The following APRT variants were observed in gnomAD, a reference collection of about 807,000 sequenced individuals.
APRT encodes the protein adenine phosphoribosyltransferase, also known as AMP diphosphorylase.
APRT carries 25 observed loss-of-function variants against 21.0 expected under a neutral mutation model. That is an observed-to-expected ratio of 1.19 (90% CI 0.87 to 1.66). The LOEUF (loss-of-function observed/expected upper bound fraction) is 1.66, where lower values mean the gene tolerates loss of function less well. Among genes scored for constraint, APRT ranks in the 40% most tolerant of loss-of-function variants. The probability of loss-of-function intolerance (pLI) is 0.00; values close to 1 mark genes in which losing one functional copy is unlikely to be tolerated. For synonymous variants in APRT, 153 were observed against 109.0 expected, an observed-to-expected ratio of 1.40 and a Z score of -2.52; for missense variants, 294 against 232.7, an observed-to-expected ratio of 1.26 and a Z score of -1.72.
At chr16:88,809,964 AC>A in intron 4 of APRT, 105 bp downstream of exon 4, 16 of 1,563,342 alleles carry the variant, frequency 1.0e-5, no homozygotes, top group Middle Eastern at 1.9e-4. Context: ...GCCACCAGGC[AC>A]CCTCTGGACA....
At position 88,811,880 on chromosome 16, in the gene APRT, T is replaced by C. The variant is rs1291207366; in HGVS notation, c.20A>G (p.Gln7Arg). 5.1e-6 allele frequency: 8 copies of C among 1,562,334 alleles called. No homozygotes were observed. Among genetic ancestry groups the C allele is most frequent in the Middle Eastern group, 1.9e-4 (1 of 5,296 alleles). ...GCTGCGGATCCGCTGCTCAACCAGC[T>C]GCAGCTCGGAGTCGGCCATGGCCGC... MADSEL[Q>R]LVEQRIRSFP... The change falls in exon 1 of 5, where the codon CAG becomes CGG. Residue 7 changes from glutamine to arginine, a missense_variant. Physicochemically the swap from Gln to Arg is conservative, Grantham distance 43 (BLOSUM62 1). Transcript: ENST00000378364.
chr16:88,809,977 CAGTA>C, intron 4 of APRT, 89 bp downstream of exon 4: 1 of 1,567,806 alleles, frequency 6.4e-7, no homozygotes, highest in Non-Finnish European at 8.7e-7. Context: ...CTCTGGACAA[CAGTA>C]AGCTGCATCC....
chr16:88,810,084 A>C lies in APRT; in HGVS notation c.386T>G (p.Leu129Arg), dbSNP rs1011477101. The C allele has an allele frequency of 6.2e-7, 1 of 1,613,268 alleles. No individual in the cohort carries two copies. Among genetic ancestry groups the C allele is most frequent in the Non-Finnish European group, 8.5e-7 (1 of 1,180,026 alleles). Reference protein sequence around the residue: ...PGQRVVVVDDLLATGGTMNAA... With the variant: ...PGQRVVVVDDRLATGGTMNAA... Reference sequence around the variant, plus strand: ...GAGACCCTTACCACCAGTGGCCAGCAGATCATCCACGACGACCACCCTCTG... The same window carrying C: ...GAGACCCTTACCACCAGTGGCCAGCCGATCATCCACGACGACCACCCTCTG... The change falls in exon 4 of 5, where the codon CTG becomes CGG. Residue 129 changes from leucine (L) to arginine (R), a missense_variant. Physicochemically the swap from Leu to Arg is moderately radical, Grantham distance 102 (BLOSUM62 -2). Transcript: ENST00000378364.
At chr16:88,811,788 C>A in intron 1 of APRT, 32 bp downstream of exon 1, 1 of 1,537,900 alleles carries the variant, frequency 6.5e-7, no homozygotes, top group East Asian at 2.5e-5. Flanking sequence ...GCCCGCAGGT[C>A]GGGGCGCCAC....
intron 4 of APRT, 47 bp downstream of exon 4, chr16:88,810,023 C>T (rs1909052435): frequency 6.2e-7 from 1 of 1,603,728 alleles, no homozygotes; most frequent in Non-Finnish European, 8.5e-7. Context: ...GTCCCACTCC[C>T]ACCAGGCCCT....
rs1317629561 is a variant in APRT, at chr16:88,811,578, G to A, written c.159C>T (p.Thr53=). Reference sequence around the variant, plus strand: ...CGATGTAGTCGATGCGGCCCCCGTGGGTCGCCTTCAGGTGTCGCGCCAGGA... The same window carrying A: ...CGATGTAGTCGATGCGGCCCCCGTGAGTCGCCTTCAGGTGTCGCGCCAGGA... ...IGLLARHLKA[T]HGGRIDYIAG... The change falls in exon 2 of 5, where the codon ACC becomes ACT. Residue 53 remains threonine (T), a synonymous_variant. Coordinates refer to ENST00000378364, the MANE Select transcript of APRT (RefSeq NM_000485.3). 1 of 1,601,988 alleles carries A rather than the reference G, an allele frequency of 6.2e-7. No individual in the cohort carries two copies. Among genetic ancestry groups the A allele is most frequent in the Non-Finnish European group, 8.5e-7 (1 of 1,175,364 alleles).
intron 2 of APRT, chr16:88,811,110 T>C (rs1032278810): frequency 3.0e-6 from 1 of 336,322 alleles, no homozygotes. Flanking sequence ...AGGAACACTC[T>C]GTTCTCCCTG....
chr16:88,810,200 G>C, intron 3 of APRT, 52 bp from the exon 4 acceptor site: 1 of 1,591,504 alleles, frequency 6.3e-7, no homozygotes, highest in Non-Finnish European at 8.6e-7. Flanking sequence ...AAACAGCTTT[G>C]TTGCACAGCT....
Position 88,811,840 on chromosome 16 carries a change from G to A in APRT, c.60C>T (p.Pro20=), listed in dbSNP as rs2142955052. The change falls in exon 1 of 5, where the codon CCC becomes CCT. Residue 20 remains proline (P), a synonymous_variant. Coordinates refer to ENST00000378364, the MANE Select transcript of APRT (RefSeq NM_000485.3). The stretch of plus-strand genomic sequence containing the variant: ...TGCACCTGAATACCACGCCTGGGGT[G>A]GGGAAGTCGGGGAAGCTGCGGATCC... ...EQRIRSFPDF[P]TPGVVFRDIS... 1 of 1,571,942 alleles carries A rather than the reference G, an allele frequency of 6.4e-7. No homozygotes were observed. The highest frequency in any genetic ancestry group is 8.6e-7 in the Non-Finnish European group (1 of 1,160,508).
chr16:88,809,953 G>A, intron 4 of APRT, 113 bp from the exon 5 acceptor site: 1 of 1,568,126 alleles, frequency 6.4e-7, no homozygotes, highest in Non-Finnish European at 8.7e-7. Context: ...GTGTCGGCCT[G>A]GCCACCAGGC....
rs1333242806 is a variant in APRT at position 88,810,158 on chromosome 16, G to A, written c.322-10C>T. On this transcript the variant is annotated splice_polypyrimidine_tract_variant and intron_variant, in intron 3 of 4. Transcript: ENST00000378364. ...GAATCTCCAGCTCAGCCTGGAGTGGGAAGTGGTGTGTGGTCCTCAGCCTCC... is the reference window on the plus strand; with the variant it reads ...GAATCTCCAGCTCAGCCTGGAGTGGAAAGTGGTGTGTGGTCCTCAGCCTCC... 1 of 1,612,284 alleles carries A rather than the reference G, an allele frequency of 6.2e-7. No homozygotes were observed. The highest frequency in any genetic ancestry group is 8.5e-7 in the Non-Finnish European group (1 of 1,179,800).
chr16:88,810,106 T>G lies in APRT; in HGVS notation c.364A>C (p.Arg122=), dbSNP rs35095508. ...AGCAGATCATCCACGACGACCACCC[T>G]CTGTCCTGGCTCCAGGGCGTCTTTC... is the stretch of plus-strand genomic sequence containing the variant. ...IQKDALEPGQ[R]VVVVDDLLAT... Residue 122 remains arginine, a synonymous_variant, in exon 4 of 5, where the codon AGG becomes CGG. Transcript: ENST00000378364. The G allele has an allele frequency of 5.9e-5, 95 of 1,613,148 alleles. No homozygotes were observed. Among genetic ancestry groups the G allele is most frequent in the Admixed American group, 1.0e-4 (6 of 60,012 alleles).
In APRT at chr16:88,811,647, C is replaced by A. The variant is rs8191472; in HGVS notation, c.90G>T (p.Ser30=). 2.1e-3 allele frequency: 3,272 copies of A among 1,594,510 alleles called. 45 individuals carry two copies. The African/African-American group carries it at 0.038, about 19-fold the overall frequency. Residue 30 remains serine (S), a synonymous_variant, in exon 2 of 5, where the codon TCG becomes TCT. Coordinates refer to ENST00000378364, the MANE Select transcript of APRT (RefSeq NM_000485.3). ...AGGAGGCGGGGTCCTTCAGGACGGGCGAGATGTCCCTGGACCCAAGGACAG... is the reference window on the plus strand; with the variant it reads ...AGGAGGCGGGGTCCTTCAGGACGGGAGAGATGTCCCTGGACCCAAGGACAG... ...PTPGVVFRDI[S]PVLKDPASFR...
In APRT at chr16:88,809,861, T is replaced by C. The variant is rs751875229; in HGVS notation, c.401-21A>G. The stretch of plus-strand genomic sequence containing the variant: ...GGTTCCTGGGGATGGGAGGGTGAGG[T>C]CCCCAGTTGGCCTGGGCTGCAGAGA... On this transcript the variant is annotated intron_variant, in intron 4 of 4. Coordinates refer to ENST00000378364, the MANE Select transcript of APRT (RefSeq NM_000485.3). The C allele has an allele frequency of 1.9e-6, 3 of 1,608,108 alleles. No individual in the cohort carries two copies. The African/African-American group carries it at 4.0e-5, about 21-fold the overall frequency.
chr16:88,809,879 T>C, intron 4 of APRT, 39 bp from the exon 5 acceptor site: 2 of 1,604,952 alleles, frequency 1.2e-6, no homozygotes, highest in Non-Finnish European at 1.7e-6. Flanking sequence ...TGGCCTGGGC[T>C]GCAGAGAGCA....
Position 88,809,814 on chromosome 16 carries a change from G to A in APRT, c.427C>T (p.Leu143=). 1.9e-6 allele frequency: 3 copies of A among 1,612,744 alleles called. No individual in the cohort carries two copies. Among genetic ancestry groups the A allele is most frequent in the Non-Finnish European group, 2.5e-6 (3 of 1,179,984 alleles). Residue 143 remains leucine (L), a synonymous_variant, in exon 5 of 5, where the codon CTG becomes TTG. Transcript: ENST00000378364. ...AGGACCTCAGCCTGCAGGCGGCCCA[G>A]CAGCTCACAGGCAGCGTTCATGGTT... ...GGTMNAACEL[L]GRLQAEVLEC... is the part of the protein sequence containing the mutation.
chr16:88,810,292 C>T (rs1422102750), intron 3 of APRT, 131 bp downstream of exon 3: 1 of 1,513,134 alleles, frequency 6.6e-7, no homozygotes, highest in Non-Finnish European at 9.0e-7. Context: ...GTCTCAACCT[C>T]TCTGAGCTCC....
intron 2 of APRT, 143 bp from the exon 3 acceptor site, chr16:88,810,699 C>T: frequency 1.8e-6 from 2 of 1,133,836 alleles, no homozygotes; most frequent in Non-Finnish European, 2.5e-6. Context: ...CCATCACCTA[C>T]CCGGAGCTGC....
chr16:88,810,225 C>G, intron 3 of APRT, 77 bp from the exon 4 acceptor site: 11 of 1,552,990 alleles, frequency 7.1e-6, no homozygotes, highest in Non-Finnish European at 9.7e-6. Context: ...AGCTGCCACC[C>G]TAGACCCTGA....
Sources: gnomAD v4.1 joint callset for allele counts on GRCh38, gnomAD v4.1.1 for gene constraint, MANE v1.5 for transcripts, NCBI Gene and HGNC (gene_info 2026-07-23, HGNC 2026-07-21) for gene names.